ERICH1: variants seen among roughly 807,000 people sequenced by gnomAD.
ERICH1 encodes the protein glutamate rich 1.
A neutral mutation model predicts 39.6 loss-of-function variants in ERICH1; 56 were observed. The observed-to-expected ratio is 1.41, with a 90% confidence interval of 1.14 to 1.77. The LOEUF is 1.77. Ranked by LOEUF, ERICH1 falls within the 40% of genes most tolerant of loss-of-function variation. The pLI is 0.00. For synonymous variants in ERICH1, 313 were observed against 223.6 expected (o/e 1.40, Z -3.57); for missense variants, 826 against 575.4 (o/e 1.44, Z -4.45).
chr8:674,060 T>A lies in ERICH1; in HGVS notation c.305-13A>T, dbSNP rs751932905. ...TGAGGATCCTGATCTGTTAAAAAAA[T>A]TCAAATATAACAATTTTCAGTACAA... is the stretch of plus-strand genomic sequence containing the variant. On this transcript the variant is annotated splice_polypyrimidine_tract_variant and intron_variant, in intron 3 of 5. Coordinates refer to ENST00000262109, the MANE Select transcript of ERICH1 (RefSeq NM_207332.3). 4 of 1,521,490 alleles carry A rather than the reference T, an allele frequency of 2.6e-6. No homozygotes were observed. In the Admixed American group the frequency reaches 9.5e-5, roughly 36 times the overall value. The allele number at this position is 1,521,490 out of a possible 1,614,324, so 94.2% of individuals were successfully genotyped here.
intron 3 of ERICH1, among the ~76,000 whole-genome samples, chr8:629,976 GA>G (rs1797880159): frequency 7.7e-6 from 1 of 130,320 alleles, no homozygotes; most frequent in Non-Finnish European, 1.6e-5. Flanking sequence ...CACCCACACA[GA>G]ACTGACTCAC....
chr8:694,895 A>C (rs560033393), intron 2 of ERICH1, among the ~76,000 whole-genome samples: 5 of 152,154 alleles, frequency 3.3e-5, no homozygotes, highest in Non-Finnish European at 5.9e-5. Flanking sequence ...CGCACAGAGA[A>C]TGCAGCGTCT....
chr8:629,825 AC>A (rs1797864502), intron 3 of ERICH1, among the ~76,000 whole-genome samples: 1 of 139,778 alleles, frequency 7.2e-6, no homozygotes, highest in South Asian at 2.3e-4. Context: ...ACCCACACAG[AC>A]AAAGCTGACA....
At chr8:674,148 G>GA (rs987604291) in intron 3 of ERICH1, 101 bp from the exon 4 acceptor site, 1 of 1,343,644 alleles carries the variant, frequency 7.4e-7, no homozygotes. Flanking sequence ...AGTTTTAGTA[G>GA]AAAAAGAGTT....
chr8:704,863 G>A (rs558971466), intron 2 of ERICH1, among the ~76,000 whole-genome samples: 3 of 151,560 alleles, frequency 2.0e-5, no homozygotes, highest in Non-Finnish European at 4.4e-5. Context: ...GCTGGAGGGT[G>A]TGTGACTGGA....
chr8:707,264 A>G (rs924147334), intron 2 of ERICH1, among the ~76,000 whole-genome samples: 1 of 149,370 alleles, frequency 6.7e-6, no homozygotes, highest in Non-Finnish European at 1.5e-5. Context: ...CTGGAGTGCA[A>G]TGATGCGATC....
At chr8:708,510 C>T (rs962297655) in intron 2 of ERICH1, among the ~76,000 whole-genome samples, 1 of 151,930 alleles carries the variant, frequency 6.6e-6, no homozygotes, top group African/African-American at 2.4e-5. Flanking sequence ...CATGAATGAA[C>T]CTTTAAAAAA....
chr8:714,040 G>A (rs1422372962), intron 2 of ERICH1, among the ~76,000 whole-genome samples: 1 of 91,506 alleles, frequency 1.1e-5, no homozygotes, highest in African/African-American at 5.3e-5. Flanking sequence ...GCTGCACCCA[G>A]GCGGCCTCTT....
At chr8:677,674 C>T (rs1426953433) in intron 3 of ERICH1, among the ~76,000 whole-genome samples, 11 of 152,178 alleles carry the variant, frequency 7.2e-5, no homozygotes, top group Non-Finnish European at 2.9e-5. Context: ...TTTTAATTTC[C>T]CAGGTTCTGT....
chr8:700,128 CG>C (rs1380683409), intron 2 of ERICH1, among the ~76,000 whole-genome samples: 4 of 138,646 alleles, frequency 2.9e-5, no homozygotes, highest in Admixed American at 1.4e-4. Flanking sequence ...CCCTCACAGG[CG>C]CACAGACCCG....
At position 692,529 on chromosome 8, in the gene ERICH1, G is replaced by A; in HGVS notation, c.253C>T (p.Pro85Ser). ...TTCTCGGGGCTCCCACAGCTGCTGG[G>A]CTCCGGCCAACAGGGGACGTAGCCC... ...PEGYVPCWPE[P>S]SSCGSPENAS... The change falls in exon 3 of 6, where the codon CCC (proline) becomes TCC (serine). Residue 85 changes from proline (P) to serine (S), a missense_variant. Coordinates refer to ENST00000262109, the MANE Select transcript of ERICH1 (RefSeq NM_207332.3). The A allele has an allele frequency of 6.2e-7, 1 of 1,613,936 alleles. No individual in the cohort carries two copies. The highest frequency in any genetic ancestry group is 8.5e-7 in the Non-Finnish European group (1 of 1,179,952).
At chr8:695,167 C>T (rs1321633341) in intron 2 of ERICH1, among the ~76,000 whole-genome samples, 1 of 152,066 alleles carries the variant, frequency 6.6e-6, no homozygotes, top group African/African-American at 2.4e-5. Context: ...CTCCTGGCAG[C>T]CGACAGCTAT....
At chr8:688,416 T>G in intron 3 of ERICH1, among the ~76,000 whole-genome samples, 1 of 125,212 alleles carries the variant, frequency 8.0e-6, no homozygotes, top group African/African-American at 3.0e-5. Flanking sequence ...TCCGCTTCCC[T>G]CCGGCCTTCC....
At chr8:637,350 C>T (rs990844119) in intron 3 of ERICH1, among the ~76,000 whole-genome samples, 4 of 152,342 alleles carry the variant, frequency 2.6e-5, no homozygotes, top group South Asian at 4.1e-4. Flanking sequence ...CCTGATTCTG[C>T]GGCTCCTGGG....
chr8:641,643 C>T (rs1011711220), intron 3 of ERICH1, among the ~76,000 whole-genome samples: 1 of 152,204 alleles, frequency 6.6e-6, no homozygotes, highest in Non-Finnish European at 1.5e-5. Flanking sequence ...TGTGTCTGAG[C>T]GTGATCTAAT....
chr8:708,922 T>G (rs1482714982), intron 2 of ERICH1, among the ~76,000 whole-genome samples: 1 of 151,816 alleles, frequency 6.6e-6, no homozygotes, highest in East Asian at 1.9e-4. Flanking sequence ...CTCCAACTCC[T>G]AAGCTCAAGT....
At chr8:663,230 G>T (rs1801697571), downstream of ERICH1, among the ~76,000 whole-genome samples, 1 of 152,092 alleles carries the variant, frequency 6.6e-6, no homozygotes, top group Non-Finnish European at 1.5e-5. Context: ...GGCCGGCGGG[G>T]ACGCCAAGGC....
At chr8:694,398 T>C (rs1398903740) in intron 2 of ERICH1, among the ~76,000 whole-genome samples, 4 of 152,240 alleles carry the variant, frequency 2.6e-5, no homozygotes, top group Non-Finnish European at 4.4e-5. Flanking sequence ...AAATCTTTCT[T>C]AGTAAGAAAG....
At chr8:650,963 G>A (rs1166725902) in intron 3 of ERICH1, among the ~76,000 whole-genome samples, 1 of 152,188 alleles carries the variant, frequency 6.6e-6, no homozygotes, top group East Asian at 1.9e-4. Context: ...GTTTACAAAT[G>A]ACAGCAGATA....
Sources: gnomAD v4.1 joint callset for allele counts (sites outside exome capture counted in the v4.1 genomes callset) on GRCh38, gnomAD v4.1.1 for gene constraint, MANE v1.5 for transcripts, NCBI Gene and HGNC (gene_info 2026-07-23, HGNC 2026-07-21) for gene names.